The following UBR3 variants were observed in gnomAD, a reference collection of about 807,000 sequenced individuals.
The protein encoded by UBR3 is ubiquitin protein ligase E3 component n-recognin 3.
In UBR3, 85 loss-of-function variants were observed where a neutral mutation model predicts 243.2. That is an observed-to-expected ratio of 0.35 (90% CI 0.29 to 0.42). The LOEUF (loss-of-function observed/expected upper bound fraction) is 0.42, where lower values mean the gene tolerates loss of function less well. Among genes scored for constraint, UBR3 ranks in the 10% least tolerant of loss-of-function variants. The pLI, the probability that UBR3 is intolerant of heterozygous loss-of-function variation, is 1.00. For synonymous variants in UBR3, 748 were observed against 799.8 expected (o/e 0.94, Z 1.09); for missense variants, 1,686 against 2,300.8 (o/e 0.73, Z 5.47).
chr2:170,004,241 TATTTA>T (rs1406462388), intron 27 of UBR3, among the ~76,000 whole-genome samples: 5 of 152,242 alleles, frequency 3.3e-5, no homozygotes, highest in Admixed American at 6.5e-5. Context: ...ATTTGAAATA[TATTTA>T]GAAGGACAAT....
At chr2:169,863,577 T>C (rs1295873276) in intron 1 of UBR3, among the ~76,000 whole-genome samples, 2 of 152,228 alleles carry the variant, frequency 1.3e-5, no homozygotes, top group Non-Finnish European at 2.9e-5. Context: ...AATGTGAATG[T>C]ATTACTTCCT....
At chr2:170,025,511 T>TA (rs2090506164) in intron 30 of UBR3, among the ~76,000 whole-genome samples, 2 of 152,126 alleles carry the variant, frequency 1.3e-5, no homozygotes, top group Admixed American at 1.3e-4. Context: ...GAAGGAAGGT[T>TA]AAGAAATAAA....
chr2:170,034,668 A>G (rs1379417885), intron 31 of UBR3, among the ~76,000 whole-genome samples: 5 of 151,144 alleles, frequency 3.3e-5, no homozygotes, highest in African/African-American at 1.2e-4. Flanking sequence ...ATAAGTTTTC[A>G]GCTTTTTTGG....
At chr2:169,897,812 G>A (rs2084649749) in intron 8 of UBR3, among the ~76,000 whole-genome samples, 1 of 152,026 alleles carries the variant, frequency 6.6e-6, no homozygotes, top group African/African-American at 2.4e-5. Flanking sequence ...ATAATATATA[G>A]TATTTAAATA....
chr2:169,906,699 T>A (rs1428679222), intron 10 of UBR3, among the ~76,000 whole-genome samples: 1 of 152,188 alleles, frequency 6.6e-6, no homozygotes, highest in African/African-American at 2.4e-5. Context: ...CCTGTTATTC[T>A]ATACCAGTAA....
chr2:169,868,713 T>G (rs950316783), intron 1 of UBR3, among the ~76,000 whole-genome samples: 1 of 152,248 alleles, frequency 6.6e-6, no homozygotes, highest in Non-Finnish European at 1.5e-5. Flanking sequence ...TTTTCTTGTA[T>G]AACCACAATG....
intron 1 of UBR3, among the ~76,000 whole-genome samples, chr2:169,848,548 A>C (rs1222707253): frequency 6.6e-6 from 1 of 151,916 alleles, no homozygotes; most frequent in East Asian, 1.9e-4. Flanking sequence ...CAGTTACCTA[A>C]GTGAACTTTC....
At chr2:170,011,626 CTTTTTTT>C (rs35877456) in intron 29 of UBR3, among the ~76,000 whole-genome samples, 6 of 123,286 alleles carry the variant, frequency 4.9e-5, no homozygotes, top group Admixed American at 8.0e-5. Context: ...TACAGCTTTT[CTTTTTTT>C]TTTTTTTTTT....
chr2:170,080,186 T>C (rs1288251992), intron 37 of UBR3, 163 bp downstream of exon 37: 5 of 701,294 alleles, frequency 7.1e-6, no homozygotes, highest in South Asian at 2.1e-5. Context: ...AAAAAGAAAG[T>C]CTTTGAGGCT....
chr2:169,892,650 C>A (rs1271080276), intron 6 of UBR3, among the ~76,000 whole-genome samples: 2 of 152,054 alleles, frequency 1.3e-5, no homozygotes, highest in Non-Finnish European at 2.9e-5. Context: ...GAATTAGAAC[C>A]CCAGGTGTTT....
At chr2:169,831,615 G>T (rs770550317) in intron 1 of UBR3, among the ~76,000 whole-genome samples, 3 of 152,058 alleles carry the variant, frequency 2.0e-5, no homozygotes, top group Non-Finnish European at 2.9e-5. Flanking sequence ...GCTTGGATTG[G>T]ATAGAGTAAT....
Position 169,917,646 on chromosome 2 carries a change from TAAAAG to T in UBR3, c.1866+3503_1866+3507del, listed in dbSNP as rs552619513. ...GTTATCAAAAATTTAAATGGATTCT[TAAAAG>T]AAGAGAAATTAAGTATAGAACTTAA... On this transcript the variant is annotated intron_variant, in intron 11 of 38. Coordinates refer to ENST00000272793, the MANE Select transcript of UBR3 (RefSeq NM_172070.4). Among the ~76,000 whole-genome samples the T allele has an allele frequency of 2.2e-3, 331 of 152,302 alleles. 1 individual carries two copies. Among genetic ancestry groups the T allele is most frequent in the African/African-American group, 7.1e-3 (296 of 41,556 alleles).
At chr2:170,025,355 A>G (rs1430800618) in intron 30 of UBR3, among the ~76,000 whole-genome samples, 1 of 152,184 alleles carries the variant, frequency 6.6e-6, no homozygotes, top group Non-Finnish European at 1.5e-5. Flanking sequence ...GGTATCAGAG[A>G]GAACCTTACA....
At chr2:169,890,226 G>A (rs1167106266) in intron 5 of UBR3, among the ~76,000 whole-genome samples, 1 of 152,032 alleles carries the variant, frequency 6.6e-6, no homozygotes, top group Non-Finnish European at 1.5e-5. Flanking sequence ...TCCTCCCCAA[G>A]AGGTGCACCA....
chr2:169,908,238 C>T (rs1007505890), intron 10 of UBR3, among the ~76,000 whole-genome samples: 2 of 152,032 alleles, frequency 1.3e-5, no homozygotes, highest in South Asian at 2.1e-4. Context: ...ATGCATAAGC[C>T]CCAGTGTCAG....
intron 35 of UBR3, among the ~76,000 whole-genome samples, chr2:170,063,208 C>G (rs954556574): frequency 6.6e-6 from 1 of 151,988 alleles, no homozygotes; most frequent in African/African-American, 2.4e-5. Context: ...GTGTGAGAGT[C>G]AAGAGAAAAG....
At chr2:169,944,443 G>T (rs979474481) in intron 20 of UBR3, among the ~76,000 whole-genome samples, 1 of 152,086 alleles carries the variant, frequency 6.6e-6, no homozygotes, top group Non-Finnish European at 1.5e-5. Context: ...TATGCTAAAT[G>T]TACAAATAGT....
At chr2:169,897,105 T>A (rs1261107793) in intron 8 of UBR3, among the ~76,000 whole-genome samples, 1 of 152,156 alleles carries the variant, frequency 6.6e-6, no homozygotes, top group Non-Finnish European at 1.5e-5. Context: ...TGCCATAGTG[T>A]ACATGTCAAA....
chr2:169,939,179 A>C (rs934060712), intron 19 of UBR3, among the ~76,000 whole-genome samples: 2 of 151,876 alleles, frequency 1.3e-5, no homozygotes, highest in African/African-American at 4.8e-5. Context: ...TATGTTTTCT[A>C]AGAACCAAGT....
Sources: allele counts gnomAD v4.1 joint callset (sites outside exome capture counted in the v4.1 genomes callset), GRCh38; gene constraint gnomAD v4.1.1; transcripts MANE v1.5; gene names NCBI Gene and HGNC (gene_info 2026-07-23, HGNC 2026-07-21).